Variants in THSD4 observed in about 807,000 individuals in gnomAD.
THSD4 encodes thrombospondin type-1 domain-containing protein 4.
THSD4 carries 69 observed loss-of-function variants against 119.0 expected under a neutral mutation model. The observed-to-expected ratio is 0.58, with a 90% CI of 0.48 to 0.71. The LOEUF is 0.71. Ranked by LOEUF, THSD4 falls within the 30% of genes least tolerant of loss-of-function variation. The pLI is 0.00. For missense variants in THSD4, 1,393 were observed against 1,391.1 expected, an observed-to-expected ratio of 1.00 and a Z score of -0.02; for synonymous variants, 524 against 540.4, an observed-to-expected ratio of 0.97 and a Z score of 0.42.
chr15:71,409,886 G>GTTT (rs35006832), intron 6 of THSD4, among the ~76,000 whole-genome samples: 7 of 148,874 alleles, frequency 4.7e-5, no homozygotes, highest in East Asian at 2.0e-4. Context: ...CTCCAAAACA[G>GTTT]TTTTTTTTTT....
chr15:71,616,151 G>A (rs1355287587), intron 7 of THSD4, among the ~76,000 whole-genome samples: 2 of 151,728 alleles, frequency 1.3e-5, no homozygotes, highest in Non-Finnish European at 2.9e-5. Context: ...AAGCTTGATG[G>A]CAGTTCCTTA....
intron 7 of THSD4, among the ~76,000 whole-genome samples, chr15:71,509,862 T>G (rs2048251820): frequency 6.6e-6 from 1 of 152,204 alleles, no homozygotes; most frequent in South Asian, 2.1e-4. Context: ...TTATTTAGAT[T>G]GAATGATGAA....
At chr15:71,294,187 G>A (rs1393781986) in intron 6 of THSD4, among the ~76,000 whole-genome samples, 1 of 152,044 alleles carries the variant, frequency 6.6e-6, no homozygotes. Flanking sequence ...CCAAGCCTAC[G>A]CCTGTGCTGC....
chr15:71,647,926 T>G (rs977099144), intron 7 of THSD4, among the ~76,000 whole-genome samples: 1 of 152,142 alleles, frequency 6.6e-6, no homozygotes, highest in Non-Finnish European at 1.5e-5. Context: ...AAAGCCTGTG[T>G]GTAAGCATGT....
At position 71,242,812 on chromosome 15, in the gene THSD4, G is replaced by A. The variant is rs2044164627; in HGVS notation, c.628G>A (p.Gly210Ser). 6.2e-7 allele frequency: 1 copy of A among 1,614,184 alleles called. No homozygotes were observed. The highest frequency in any genetic ancestry group is 8.5e-7 in the Non-Finnish European group (1 of 1,180,044). The change falls in exon 5 of 18, where the codon GGC becomes AGC. Residue 210 changes from glycine to serine, a missense_variant. Coordinates refer to ENST00000261862, the MANE Select transcript of THSD4 (RefSeq NM_024817.3). ...RSQGASSARH[G>S]YSSPAHQVPQ... ...CCAGGGAGCATCTTCTGCTAGGCAT[G>A]GCTACAGTTCACCAGCCCACCAGGT...
chr15:71,534,373 A>G (rs1224966464), intron 7 of THSD4, among the ~76,000 whole-genome samples: 1 of 152,194 alleles, frequency 6.6e-6, no homozygotes, highest in Non-Finnish European at 1.5e-5. Flanking sequence ...TTCCAGATGA[A>G]CGTAGCAACG....
chr15:71,597,355 A>G (rs1159053546), intron 7 of THSD4, among the ~76,000 whole-genome samples: 2 of 152,176 alleles, frequency 1.3e-5, no homozygotes, highest in African/African-American at 4.8e-5. Context: ...GAAAGTTGCT[A>G]AATAGGTACA....
At chr15:71,216,950 C>T (rs187992989) in intron 4 of THSD4, among the ~76,000 whole-genome samples, 4 of 152,288 alleles carry the variant, frequency 2.6e-5, no homozygotes, top group Admixed American at 2.0e-4. Context: ...GCATGCACCA[C>T]CATACCCAGC....
intron 7 of THSD4, among the ~76,000 whole-genome samples, chr15:71,522,612 C>T (rs1260085992): frequency 1.3e-5 from 2 of 152,196 alleles, no homozygotes; most frequent in Non-Finnish European, 2.9e-5. Context: ...TGGTTGTCAC[C>T]TAATATGTGC....
chr15:71,200,824 T>C (rs919487820), intron 3 of THSD4, among the ~76,000 whole-genome samples: 1 of 152,152 alleles, frequency 6.6e-6, no homozygotes, highest in African/African-American at 2.4e-5. Flanking sequence ...CCATCCACAA[T>C]CACCAAGGGC....
chr15:71,636,474 A>G (rs925942691), intron 7 of THSD4, among the ~76,000 whole-genome samples: 1 of 152,132 alleles, frequency 6.6e-6, no homozygotes, highest in African/African-American at 2.4e-5. Flanking sequence ...GGGCTACTAC[A>G]CAGATTCAAT....
At chr15:71,387,544 T>A (rs956594180) in intron 6 of THSD4, among the ~76,000 whole-genome samples, 4 of 152,232 alleles carry the variant, frequency 2.6e-5, no homozygotes, top group African/African-American at 9.6e-5. Flanking sequence ...ATTTTAGTCT[T>A]AGAATAAATT....
At chr15:71,411,863 G>T (rs776142279) in intron 7 of THSD4, 40 bp downstream of exon 7, 1 of 1,610,262 alleles carries the variant, frequency 6.2e-7, no homozygotes. Flanking sequence ...TAAGGTGTTT[G>T]ATCTGTGACT....
At chr15:71,557,411 A>G (rs562836082) in intron 7 of THSD4, among the ~76,000 whole-genome samples, 4 of 152,224 alleles carry the variant, frequency 2.6e-5, no homozygotes, top group African/African-American at 9.6e-5. Flanking sequence ...AAAAAAATAT[A>G]TATTTGAGAG....
At chr15:71,711,452 T>C (rs1030793318) in intron 8 of THSD4, among the ~76,000 whole-genome samples, 2 of 151,872 alleles carry the variant, frequency 1.3e-5, no homozygotes, top group Non-Finnish European at 2.9e-5. Context: ...CAAAGAGATA[T>C]GACCAACATG....
chr15:71,464,311 G>A (rs1011702106), intron 7 of THSD4, among the ~76,000 whole-genome samples: 1 of 152,200 alleles, frequency 6.6e-6, no homozygotes, highest in Non-Finnish European at 1.5e-5. Context: ...AAGGCGGTGG[G>A]TGGCCATATA....
At chr15:71,719,908 G>A (rs1165184705) in intron 8 of THSD4, among the ~76,000 whole-genome samples, 12 of 151,740 alleles carry the variant, frequency 7.9e-5, no homozygotes, top group South Asian at 2.1e-4. Context: ...ACTCCTGCTC[G>A]CAAACGATCT....
intron 1 of THSD4, among the ~76,000 whole-genome samples, chr15:71,131,996 C>T (rs1048353423): frequency 6.6e-6 from 1 of 152,158 alleles, no homozygotes; most frequent in African/African-American, 2.4e-5. Context: ...AGCAAAAATC[C>T]TTTTACTATG....
chr15:71,542,831 T>C (rs969367154), intron 7 of THSD4, among the ~76,000 whole-genome samples: 2 of 151,182 alleles, frequency 1.3e-5, no homozygotes, highest in African/African-American at 2.4e-5. Flanking sequence ...GAGCCGAGAT[T>C]GTGCCACTGC....
Sources: gnomAD v4.1 joint callset for allele counts (sites outside exome capture counted in the v4.1 genomes callset) on GRCh38, gnomAD v4.1.1 for gene constraint, MANE v1.5 for transcripts, NCBI Gene and HGNC (gene_info 2026-07-23, HGNC 2026-07-21) for gene names.